ZNF585A: variants seen among roughly 807,000 people sequenced by gnomAD.
The protein encoded by ZNF585A is zinc finger protein 585A.
Under a neutral mutation model 14.9 loss-of-function variants are expected in ZNF585A, and 9 were observed. The ratio of observed to expected loss-of-function variants is 0.60; its 90% confidence interval spans 0.36 to 1.05. The LOEUF (loss-of-function observed/expected upper bound fraction) is 1.05. ZNF585A is among the 50% of genes least tolerant of loss of function. ZNF585A has a pLI of 0.01. For synonymous variants in ZNF585A, 276 were observed against 319.9 expected (o/e 0.86, Z 1.46); for missense variants, 726 against 926.4 (o/e 0.78, Z 2.81).
rs745915354 is a variant in ZNF585A, at chr19:37,169,876, G to A, written c.35C>T (p.Ser12Leu). The stretch of plus-strand genomic sequence containing the variant: ...GCCATGATCCTCTGGAGCCAGGGCT[G>A]AGGATTTCTGAGGTGAGGTCCAATT... ...PANWTSPQKS[S>L]ALAPEDHGSS... is the part of the protein sequence containing the mutation. The change falls in exon 2 of 5, where the codon TCA (serine) becomes TTA (leucine). Residue 12 changes from serine to leucine, a missense_variant. Transcript: ENST00000292841. 1.9e-6 allele frequency: 3 copies of A among 1,613,356 alleles called. No individual in the cohort carries two copies. The highest frequency in any genetic ancestry group is 1.1e-5 in the South Asian group (1 of 91,078).
intron 2 of ZNF585A, among the ~76,000 whole-genome samples, chr19:37,168,872 GAAA>G (rs138923903): frequency 6.6e-6 from 1 of 151,962 alleles, no homozygotes; most frequent in African/African-American, 2.4e-5. Flanking sequence ...GAAATAGAAA[GAAA>G]AAAATGTGTA....
At chr19:37,166,501 A>G (rs977779053) in intron 2 of ZNF585A, among the ~76,000 whole-genome samples, 6 of 150,202 alleles carry the variant, frequency 4.0e-5, no homozygotes, top group African/African-American at 1.5e-4. Context: ...TGTAGTAGAA[A>G]CAGAGTTCCA....
At position 37,156,194 on chromosome 19, in the gene ZNF585A, G is replaced by A. The variant is rs746680588; in HGVS notation, c.199+35C>T. 3.1e-6 allele frequency: 5 copies of A among 1,607,824 alleles called. No homozygotes were observed. In the East Asian group the frequency reaches 1.1e-4, roughly 36 times the overall value. ...CTGAGAATGAAAACACTCTCAGTGA[G>A]GCCTCCTTTCAGATACCAAGGTGAC... On this transcript the variant is annotated intron_variant, in intron 3 of 4. Transcript: ENST00000292841.
rs764336682 is a variant in ZNF585A, at chr19:37,153,101, G to A, written c.798C>T (p.Gly266=). Residue 266 remains glycine (G), a synonymous_variant, in exon 5 of 5, where the codon GGC becomes GGT. Coordinates refer to ENST00000292841, the MANE Select transcript of ZNF585A (RefSeq NM_001288800.2). ...ATTCAATACAGATGTAGGATCTCTC[G>A]CCTGTATGGATTTTCTGATGCATCT... ...TLKMHQKIHT[G]ERSYICIECG... The A allele has an allele frequency of 3.0e-5, 48 of 1,613,978 alleles. No individual in the cohort carries two copies. The highest frequency in any genetic ancestry group is 1.6e-4 in the South Asian group (15 of 91,092).
At chr19:37,165,803 C>T (rs775072740) in intron 2 of ZNF585A, 10 of 206,624 alleles carry the variant, frequency 4.8e-5, no homozygotes, top group Non-Finnish European at 7.6e-5. Flanking sequence ...AATGCATGAC[C>T]TTTCCATTAT....
At chr19:37,164,236 T>C (rs917694214) in intron 2 of ZNF585A, among the ~76,000 whole-genome samples, 3 of 151,656 alleles carry the variant, frequency 2.0e-5, no homozygotes, top group Admixed American at 6.6e-5. Flanking sequence ...GGCTAGTCTC[T>C]ACCAAAAATA....
At chr19:37,165,743 T>G (rs1972082470) in intron 2 of ZNF585A, 1 of 726,894 alleles carries the variant, frequency 1.4e-6, no homozygotes, top group African/African-American at 1.9e-5. Flanking sequence ...TGAGAATAAT[T>G]TTAAATATTA....
At position 37,151,263 on chromosome 19, in the gene ZNF585A, GTTAAC is replaced by G. The variant is rs1466467982; in HGVS notation, c.*321_*325del. 2 of 438,614 alleles carry G rather than the reference GTTAAC, an allele frequency of 4.6e-6. No homozygotes were observed. Among genetic ancestry groups the G allele is most frequent in the African/African-American group, 4.0e-5 (2 of 49,730 alleles). 27.2% of individuals were successfully genotyped at this position (438,614 alleles called of 1,614,324 possible). A position where few individuals can be genotyped will look rare whatever the true frequency, so the allele number is the denominator to read the frequency against. ...CTAATCCACAGTAAACAGGATTATC[GTTAAC>G]TTAATACGATCTTTCTTAGGAAGAA... On this transcript the variant is annotated 3_prime_UTR_variant, in exon 5 of 5. Coordinates refer to ENST00000292841, the MANE Select transcript of ZNF585A (RefSeq NM_001288800.2).
intron 2 of ZNF585A, among the ~76,000 whole-genome samples, chr19:37,161,002 C>T (rs901255138): frequency 6.6e-6 from 1 of 151,902 alleles, no homozygotes; most frequent in Non-Finnish European, 1.5e-5. Context: ...TGAGTAGCTG[C>T]CACTACAGAC....
intron 2 of ZNF585A, among the ~76,000 whole-genome samples, chr19:37,159,759 A>G (rs1971986056): frequency 6.6e-6 from 1 of 152,230 alleles, no homozygotes; most frequent in South Asian, 2.1e-4. Flanking sequence ...CAAAATCTCC[A>G]AGCAAATTAA....
intron 2 of ZNF585A, among the ~76,000 whole-genome samples, chr19:37,163,792 T>C (rs1231322638): frequency 1.3e-5 from 2 of 151,448 alleles, no homozygotes; most frequent in Non-Finnish European, 1.5e-5. Flanking sequence ...CATTCCAAAT[T>C]ACATGGAAGA....
In ZNF585A at chr19:37,153,244, A is replaced by G; in HGVS notation, c.655T>C (p.Cys219Arg). The G allele has an allele frequency of 2.5e-6, 4 of 1,614,184 alleles. No individual in the cohort carries two copies. The highest frequency in any genetic ancestry group is 2.2e-5 in the East Asian group (1 of 44,890). ...TGEKLYECSQ[C>R]GKGFSYNSDL... ...GAGTTATAAGAGAAGCCTTTCCCAC[A>G]CTGGCTGCATTCATAGAGTTTCTCT... The change falls in exon 5 of 5, where the codon TGT (cysteine) becomes CGT (arginine). Residue 219 changes from cysteine (C) to arginine (R), a missense_variant. Transcript: ENST00000292841.
At chr19:37,161,706 T>C (rs1480482583) in intron 2 of ZNF585A, among the ~76,000 whole-genome samples, 1 of 152,102 alleles carries the variant, frequency 6.6e-6, no homozygotes, top group African/African-American at 2.4e-5. Context: ...ATAAAAACCT[T>C]TACGATGATC....
rs986842065 is a variant in ZNF585A at position 37,153,225 on chromosome 19, T to C, written c.674A>G (p.Tyr225Cys). 2.5e-6 allele frequency: 4 copies of C among 1,614,094 alleles called. No individual in the cohort carries two copies. In the African/African-American group the frequency reaches 5.3e-5, roughly 22 times the overall value. Residue 225 changes from tyrosine (Y) to cysteine (C), a missense_variant, in exon 5 of 5, where the codon TAT becomes TGT. Coordinates refer to ENST00000292841, the MANE Select transcript of ZNF585A (RefSeq NM_001288800.2). Reference protein sequence around the residue: ...ECSQCGKGFSYNSDLSIHEKI... With the variant: ...ECSQCGKGFSCNSDLSIHEKI... Reference sequence around the variant, plus strand: ...CTCATGTATACTGAGATCTGAGTTATAAGAGAAGCCTTTCCCACACTGGCT... The same window carrying C: ...CTCATGTATACTGAGATCTGAGTTACAAGAGAAGCCTTTCCCACACTGGCT...
Position 37,149,360 on chromosome 19 carries a change from C to T in ZNF585A, c.*2229G>A, listed in dbSNP as rs1441043678. On this transcript the variant is annotated 3_prime_UTR_variant, in exon 5 of 5. Coordinates refer to ENST00000292841, the MANE Select transcript of ZNF585A (RefSeq NM_001288800.2). ...CCGTATATACGGGTATATGCATATA[C>T]ATATACGTAAGTATTATAATATTGT... 6.6e-6 allele frequency: 1 copy of T among 152,128 alleles called. No homozygotes were observed. The highest frequency in any genetic ancestry group is 1.5e-5 in the Non-Finnish European group (1 of 68,026). 9.4% of individuals were successfully genotyped at this position (152,128 alleles called of 1,614,324 possible).
chr19:37,169,453 A>G (rs1348654485), intron 2 of ZNF585A, among the ~76,000 whole-genome samples: 1 of 151,368 alleles, frequency 6.6e-6, no homozygotes, highest in African/African-American at 2.4e-5. Flanking sequence ...AAAAAAAAAG[A>G]AAGAAAGAAA....
At position 37,153,533 on chromosome 19, in the gene ZNF585A, T is replaced by G; in HGVS notation, c.366A>C (p.Lys122Asn). 1 of 1,614,138 alleles carries G rather than the reference T, an allele frequency of 6.2e-7. No homozygotes were observed. Among genetic ancestry groups the G allele is most frequent in the Admixed American group, 1.7e-5 (1 of 60,026 alleles). The change falls in exon 5 of 5, where the codon AAA becomes AAC. Residue 122 changes from lysine (K) to asparagine (N), a missense_variant. Lys to Asn is a moderately conservative substitution (Grantham distance 94). Transcript: ENST00000292841. ...CATAAGCTTTCTCCCCAGGATACAT[T>G]TTTTGAGGTTGAGAGGATACTTGTT... Reference protein sequence around the residue: ...SYKQVSSQPQKMYPGEKAYEC... With the variant: ...SYKQVSSQPQNMYPGEKAYEC...
intron 2 of ZNF585A, among the ~76,000 whole-genome samples, chr19:37,160,459 C>G (rs906999437): frequency 6.6e-6 from 1 of 151,410 alleles, no homozygotes; most frequent in Non-Finnish European, 1.5e-5. Flanking sequence ...TAGAAATCAA[C>G]AAAACTGAAA....
In ZNF585A at chr19:37,153,447, A is replaced by G. The variant is rs778022945; in HGVS notation, c.452T>C (p.Val151Ala). ...QKSQLKVHLKVLAGEKLYVCI... is the reference protein window; with the variant it reads ...QKSQLKVHLKALAGEKLYVCI... Reference sequence around the variant, plus strand: ...TACATAGAGCTTTTCTCCTGCAAGAACTTTCAGGTGTACTTTGAGCTGTGA... The same window carrying G: ...TACATAGAGCTTTTCTCCTGCAAGAGCTTTCAGGTGTACTTTGAGCTGTGA... The change falls in exon 5 of 5, where the codon GTT becomes GCT. Residue 151 changes from valine (V) to alanine (A), a missense_variant. By Grantham distance (64) the Val-to-Ala change is moderately conservative. Coordinates refer to ENST00000292841, the MANE Select transcript of ZNF585A (RefSeq NM_001288800.2). The G allele has an allele frequency of 7.4e-6, 12 of 1,614,154 alleles. No individual in the cohort carries two copies. Among genetic ancestry groups the G allele is most frequent in the Non-Finnish European group, 8.5e-6 (10 of 1,180,028 alleles).
Sources: gnomAD v4.1 joint callset for allele counts (sites outside exome capture counted in the v4.1 genomes callset) on GRCh38, gnomAD v4.1.1 for gene constraint, MANE v1.5 for transcripts, NCBI Gene and HGNC (gene_info 2026-07-23, HGNC 2026-07-21) for gene names.